The following QPCTL variants were observed in gnomAD, a reference collection of about 807,000 sequenced individuals.
QPCTL encodes glutaminyl-peptide cyclotransferase-like protein.
QPCTL carries 31 observed loss-of-function variants against 34.6 expected under a neutral mutation model. That is an observed-to-expected ratio of 0.90 (90% CI 0.67 to 1.21). The LOEUF (loss-of-function observed/expected upper bound fraction) is 1.21. Among genes scored for constraint, QPCTL ranks in the 50% most tolerant of loss-of-function variants. The pLI is 0.00. For synonymous variants in QPCTL, 223 were observed against 226.9 expected (o/e 0.98, Z 0.15); for missense variants, 474 against 507.8 (o/e 0.93, Z 0.64).
At chr19:45,698,947 G>C in intron 5 of QPCTL, 47 bp downstream of exon 5, 1 of 1,552,424 alleles carries the variant, frequency 6.4e-7, no homozygotes, top group Non-Finnish European at 8.9e-7. Context: ...GGGGTATGGG[G>C]TACAGGGCGG....
rs760294625 is a variant in QPCTL, at chr19:45,698,864, C to T, written c.850C>T (p.Arg284Cys). Reference sequence around the variant, plus strand: ...TCCCACCTTCTACAGCCACTTCCCTCGCACGGTCCGCTGGTTCCATCGGCT... The same window carrying T: ...TCCCACCTTCTACAGCCACTTCCCTTGCACGGTCCGCTGGTTCCATCGGCT... ...PNPTFYSHFP[R>C]TVRWFHRLRS... The change falls in exon 5 of 7, where the codon CGC becomes TGC. Residue 284 changes from arginine (R) to cysteine (C), a missense_variant. Coordinates refer to ENST00000012049, the MANE Select transcript of QPCTL (RefSeq NM_017659.4). The T allele has an allele frequency of 1.7e-5, 28 of 1,613,880 alleles. No individual in the cohort carries two copies. The highest frequency in any genetic ancestry group is 5.0e-5 in the Admixed American group (3 of 59,988).
chr19:45,699,011 GC>G, intron 5 of QPCTL, 111 bp downstream of exon 5: 1 of 848,754 alleles, frequency 1.2e-6, no homozygotes, highest in Non-Finnish European at 1.8e-6. Flanking sequence ...ACCAGTCTGG[GC>G]CACATAGGGA....
intron 3 of QPCTL, among the ~76,000 whole-genome samples, chr19:45,696,858 C>T (rs116736325): frequency 0.022 from 3,307 of 152,146 alleles, 136 homozygotes; most frequent in African/African-American, 0.075. Flanking sequence ...CGTGGTAACT[C>T]GCACCTGTAA....
At chr19:45,702,732 C>G (rs542038058) in intron 6 of QPCTL, among the ~76,000 whole-genome samples, 172 bp from the exon 7 acceptor site, 2 of 151,646 alleles carry the variant, frequency 1.3e-5, no homozygotes, top group African/African-American at 4.8e-5. Context: ...CCACTGCACT[C>G]CAGCCTGGGC....
In QPCTL at chr19:45,692,929, C is replaced by T. The variant is rs1307539088; in HGVS notation, c.207+19C>T. ...GCTGCGGGTGAGGCTGGGCGGGGAC[C>T]CGGGCACCGCGGGGACCCTCATTCC... On this transcript the variant is annotated intron_variant, in intron 1 of 6. Coordinates refer to ENST00000012049, the MANE Select transcript of QPCTL (RefSeq NM_017659.4). 2.6e-6 allele frequency: 4 copies of T among 1,530,676 alleles called. No homozygotes were observed. The highest frequency in any genetic ancestry group is 2.6e-6 in the Non-Finnish European group (3 of 1,143,198). 94.8% of individuals were successfully genotyped at this position (1,530,676 alleles called of 1,614,324 possible).
Position 45,698,639 on chromosome 19 carries a change from C to T in QPCTL, c.726C>T (p.His242=), listed in dbSNP as rs749502801. 7.4e-6 allele frequency: 12 copies of T among 1,614,150 alleles called. No homozygotes were observed. In the South Asian group the frequency reaches 1.3e-4, roughly 18 times the overall value. Residue 242 remains histidine (H), a synonymous_variant, in exon 4 of 7, where the codon CAC becomes CAT. Coordinates refer to ENST00000012049, the MANE Select transcript of QPCTL (RefSeq NM_017659.4). ...GPKDSLYGSR[H]LAQLMESIPH... is the part of the protein sequence containing the mutation. ...AGGACTCCCTTTACGGTTCCCGGCA[C>T]CTGGCCCAGCTCATGGAGTCTATAC...
Position 45,692,901 on chromosome 19 carries a change from G to C in QPCTL, c.198G>C (p.Arg66=). 2 of 1,540,060 alleles carry C rather than the reference G, an allele frequency of 1.3e-6. No homozygotes were observed. The highest frequency in any genetic ancestry group is 2.4e-5 in the South Asian group (2 of 83,846). ...GGACTGAGGAGCTGCCGCTGGGCCGGGAGCTGCGGGTGAGGCTGGGCGGGG... is the reference window on the plus strand; with the variant it reads ...GGACTGAGGAGCTGCCGCTGGGCCGCGAGCTGCGGGTGAGGCTGGGCGGGG... ...HRRTEELPLG[R]ELRVPLIGSL... is the part of the protein sequence containing the mutation. The change falls in exon 1 of 7, where the codon CGG becomes CGC. Residue 66 remains arginine (R), a synonymous_variant. Transcript: ENST00000012049.
chr19:45,696,137 A>G (rs1334586489), intron 3 of QPCTL, among the ~76,000 whole-genome samples: 5 of 151,698 alleles, frequency 3.3e-5, no homozygotes, highest in Non-Finnish European at 7.4e-5. Flanking sequence ...GAGTCCTTAT[A>G]TTGGCCCACG....
intron 3 of QPCTL, among the ~76,000 whole-genome samples, chr19:45,696,322 G>C (rs968413203): frequency 6.6e-6 from 1 of 152,094 alleles, no homozygotes; most frequent in African/African-American, 2.4e-5. Context: ...GCCAGGCTCC[G>C]TGGCTCACAC....
Position 45,693,470 on chromosome 19 carries a change from G to A in QPCTL, c.265G>A (p.Asp89Asn), listed in dbSNP as rs202154561. ...GCTGCGGAGGGTGGTGGGACAACTG[G>A]ATCCACAGCGTCTCTGGAGCACTTA... is the stretch of plus-strand genomic sequence containing the variant. ...ARLRRVVGQL[D>N]PQRLWSTYLR... The change falls in exon 2 of 7, where the codon GAT becomes AAT. Residue 89 changes from aspartate (D) to asparagine (N), a missense_variant. By Grantham distance (23) the Asp-to-Asn change is conservative. Coordinates refer to ENST00000012049, the MANE Select transcript of QPCTL (RefSeq NM_017659.4). 2 of 1,613,306 alleles carry A rather than the reference G, an allele frequency of 1.2e-6. No homozygotes were observed. The highest frequency in any genetic ancestry group is 1.3e-5 in the African/African-American group (1 of 75,000).
rs187222584 is a variant in QPCTL at position 45,699,701 on chromosome 19, C to T, written c.886+801C>T. On this transcript the variant is annotated intron_variant, in intron 5 of 6. Transcript: ENST00000012049. ...ATCCCAGCACTTTGGGAGGCCAAAGCGGGTGGATCACCTGAGGTTAGGAGT... is the reference window on the plus strand; with the variant it reads ...ATCCCAGCACTTTGGGAGGCCAAAGTGGGTGGATCACCTGAGGTTAGGAGT... Among the ~76,000 whole-genome samples the T allele has an allele frequency of 2.5e-4, 38 of 151,882 alleles. No individual in the cohort carries two copies. In the East Asian group the frequency reaches 6.4e-3, roughly 26 times the overall value.
At chr19:45,695,402 C>T (rs768548404) in intron 2 of QPCTL, 35 bp from the exon 3 acceptor site, 5 of 1,552,012 alleles carry the variant, frequency 3.2e-6, no homozygotes, top group Admixed American at 1.7e-5. Flanking sequence ...CCTCCCCAGT[C>T]CCCGTCCACC....
intron 1 of QPCTL, 131 bp downstream of exon 1, chr19:45,693,041 C>G: frequency 1.0e-6 from 1 of 1,003,818 alleles, no homozygotes; most frequent in Non-Finnish European, 1.4e-6. Flanking sequence ...AGCGCATGAC[C>G]CTTACCAAAG....
At chr19:45,698,756 G>A (rs772182779) in intron 4 of QPCTL, 45 bp from the exon 5 acceptor site, 1 of 1,613,412 alleles carries the variant, frequency 6.2e-7, no homozygotes, top group Non-Finnish European at 8.5e-7. Context: ...AGCAGGGCTG[G>A]CGTCATCCTG....
In QPCTL at chr19:45,695,621, C is replaced by A; in HGVS notation, c.536C>A (p.Thr179Asn). Residue 179 changes from threonine to asparagine, a missense_variant, in exon 3 of 7, where the codon ACC (threonine) becomes AAC (asparagine). Thr to Asn is a moderately conservative substitution (Grantham distance 65). Transcript: ENST00000012049. ...YDSKLFPPGS[T>N]PFVGATDSAV... ...TCGAAGCTCTTCCCACCCGGATCGA[C>A]CCCCTTTGTAGGGGCCACGGATTCG... The A allele has an allele frequency of 1.2e-6, 2 of 1,614,074 alleles. No individual in the cohort carries two copies. The highest frequency in any genetic ancestry group is 1.7e-6 in the Non-Finnish European group (2 of 1,179,994).
intron 5 of QPCTL, among the ~76,000 whole-genome samples, chr19:45,700,090 ACT>A (rs1172776890): frequency 6.6e-6 from 1 of 151,228 alleles, no homozygotes; most frequent in East Asian, 1.9e-4. Context: ...ACAGAGTGAG[ACT>A]CTGTCTCAAA....
At chr19:45,693,058 G>A (rs1967605719) in intron 1 of QPCTL, 148 bp downstream of exon 1, 2 of 895,304 alleles carry the variant, frequency 2.2e-6, no homozygotes, top group East Asian at 2.7e-5. Flanking sequence ...AAAGGAATAA[G>A]GCTTCGGGCT....
chr19:45,698,849 T>A lies in QPCTL; in HGVS notation c.835T>A (p.Tyr279Asn). ...CCTGGGAGCCCCCAATCCCACCTTC[T>A]ACAGCCACTTCCCTCGCACGGTCCG... ...DLLGAPNPTF[Y>N]SHFPRTVRWF... The change falls in exon 5 of 7, where the codon TAC (tyrosine) becomes AAC (asparagine). Residue 279 changes from tyrosine to asparagine, a missense_variant. By Grantham distance (143) the Tyr-to-Asn change is moderately radical (BLOSUM62 -2). Transcript: ENST00000012049. The A allele has an allele frequency of 6.2e-7, 1 of 1,613,996 alleles. No homozygotes were observed. Among genetic ancestry groups the A allele is most frequent in the Non-Finnish European group, 8.5e-7 (1 of 1,179,970 alleles).
At chr19:45,696,178 C>T (rs1168084787) in intron 3 of QPCTL, among the ~76,000 whole-genome samples, 2 of 152,156 alleles carry the variant, frequency 1.3e-5, no homozygotes. Context: ...CCAGCCTCAT[C>T]TCCCACCCCT....
Sources: allele counts gnomAD v4.1 joint callset (sites outside exome capture counted in the v4.1 genomes callset), GRCh38; gene constraint gnomAD v4.1.1; transcripts MANE v1.5; gene names NCBI Gene and HGNC (gene_info 2026-07-23, HGNC 2026-07-21).